Variants in AP3B1 observed in about 807,000 individuals in gnomAD.
AP3B1 encodes the protein adaptor related protein complex 3 subunit beta 1, also known as AP-3 complex subunit beta-1.
AP3B1 carries 61 observed loss-of-function variants against 132.5 expected under a neutral mutation model. The ratio of observed to expected loss-of-function variants is 0.46; its 90% CI spans 0.37 to 0.57. The LOEUF is 0.57. Among genes scored for constraint, AP3B1 ranks in the 20% least tolerant of loss-of-function variants. The pLI, the probability that AP3B1 is intolerant of heterozygous loss-of-function variation, is 0.00. For missense variants in AP3B1, 1,120 were observed against 1,289.4 expected, an observed-to-expected ratio of 0.87 and a Z score of 2.01; for synonymous variants, 388 against 438.3, an observed-to-expected ratio of 0.89 and a Z score of 1.43.
At chr5:78,195,455 T>C (rs1745042900) in intron 7 of AP3B1, among the ~76,000 whole-genome samples, 2 of 152,302 alleles carry the variant, frequency 1.3e-5, no homozygotes, top group South Asian at 2.1e-4. Context: ...TACAGCCAAC[T>C]GCTTTCACAA....
chr5:78,108,749 T>C (rs1166275552), intron 20 of AP3B1, among the ~76,000 whole-genome samples: 1 of 152,212 alleles, frequency 6.6e-6, no homozygotes, highest in South Asian at 2.1e-4. Flanking sequence ...GGAGTGCCCC[T>C]GTGGTTTTTA....
intron 7 of AP3B1, among the ~76,000 whole-genome samples, chr5:78,182,789 C>T (rs1744424712): frequency 6.6e-6 from 1 of 152,164 alleles, no homozygotes; most frequent in Admixed American, 6.5e-5. Context: ...TAGACTTCTA[C>T]CCTTATTAGG....
chr5:78,014,820 C>A (rs1683093005), intron 26 of AP3B1, among the ~76,000 whole-genome samples: 1 of 152,130 alleles, frequency 6.6e-6, no homozygotes, highest in African/African-American at 2.4e-5. Flanking sequence ...TACAAGAGGG[C>A]AAACATTAAT....
At chr5:78,292,650 G>A (rs1749578617) in intron 1 of AP3B1, among the ~76,000 whole-genome samples, 1 of 152,166 alleles carries the variant, frequency 6.6e-6, no homozygotes. Context: ...AACTGAATGA[G>A]ATAATAAATG....
chr5:78,222,383 A>T (rs1746216709), intron 6 of AP3B1: 1 of 153,266 alleles, frequency 6.5e-6, no homozygotes, highest in Non-Finnish European at 1.5e-5. Context: ...CAGCTGCAGC[A>T]TTAAAGTAGA....
intron 22 of AP3B1, 132 bp downstream of exon 22, chr5:78,089,261 G>T (rs2112201480): frequency 1.4e-6 from 1 of 706,738 alleles, no homozygotes; most frequent in Non-Finnish European, 2.5e-6. Flanking sequence ...AAAGGTCTTA[G>T]CTAAATTGGG....
chr5:78,041,735 T>A (rs566841284), intron 22 of AP3B1: 1 of 152,642 alleles, frequency 6.6e-6, no homozygotes, highest in Admixed American at 6.5e-5. Flanking sequence ...GTATTTTAAG[T>A]TTTCAAAGCA....
At chr5:78,151,454 TAAG>T (rs1753645583) in intron 14 of AP3B1, among the ~76,000 whole-genome samples, 2 of 152,210 alleles carry the variant, frequency 1.3e-5, no homozygotes, top group African/African-American at 4.8e-5. Context: ...GATGAAAGGC[TAAG>T]ATTTTCCCCA....
intron 7 of AP3B1, among the ~76,000 whole-genome samples, chr5:78,196,611 C>T (rs1745086477): frequency 6.6e-6 from 1 of 152,164 alleles, no homozygotes; most frequent in African/African-American, 2.4e-5. Flanking sequence ...CTAGAAAGTG[C>T]TCAAAATGTC....
rs1226449995 is a variant in AP3B1 at position 78,085,203 on chromosome 5, G to T, written c.2577+4190C>A. Among the ~76,000 whole-genome samples the T allele has an allele frequency of 2.6e-5, 4 of 152,148 alleles. No homozygotes were observed. The South Asian group carries it at 8.3e-4, about 31-fold the overall frequency. On this transcript the variant is annotated intron_variant, in intron 22 of 26. Transcript: ENST00000255194. ...TTTTACCAGTGGAGCAGTGTATAAT[G>T]CCTGCTTCATTGCATACCTCAGCAA...
chr5:78,132,629 A>G (rs1360722950), intron 15 of AP3B1, among the ~76,000 whole-genome samples: 1 of 152,218 alleles, frequency 6.6e-6, no homozygotes. Context: ...AGAATTATAT[A>G]AACATCTTCT....
At chr5:78,131,668 C>T (rs1561429076) in intron 15 of AP3B1, among the ~76,000 whole-genome samples, 3 of 152,048 alleles carry the variant, frequency 2.0e-5, no homozygotes, top group Admixed American at 1.3e-4. Flanking sequence ...TAATTAAAAA[C>T]AGGTGCTCCA....
chr5:78,287,100 C>T (rs1407348581), intron 1 of AP3B1, among the ~76,000 whole-genome samples: 1 of 152,194 alleles, frequency 6.6e-6, no homozygotes. Flanking sequence ...AACATTTCAA[C>T]CAACCATCTG....
intron 19 of AP3B1, among the ~76,000 whole-genome samples, chr5:78,110,746 G>GTA (rs755514258): frequency 6.7e-6 from 1 of 148,530 alleles, no homozygotes; most frequent in African/African-American, 2.5e-5. Context: ...ATATATATAC[G>GTA]TATATACATA....
intron 23 of AP3B1, among the ~76,000 whole-genome samples, chr5:78,037,156 T>A (rs1381537386): frequency 3.3e-5 from 5 of 152,192 alleles, no homozygotes; most frequent in African/African-American, 4.8e-5. Flanking sequence ...TCTTCTATTC[T>A]ACATAGGCCA....
chr5:78,161,806 A>G (rs549412278), intron 13 of AP3B1, among the ~76,000 whole-genome samples: 1 of 152,142 alleles, frequency 6.6e-6, no homozygotes, highest in Non-Finnish European at 1.5e-5. Flanking sequence ...ATCTGGGAAT[A>G]AATTTTGTTC....
chr5:78,126,619 A>C (rs2112295631), intron 17 of AP3B1, among the ~76,000 whole-genome samples: 1 of 151,904 alleles, frequency 6.6e-6, no homozygotes, highest in East Asian at 1.9e-4. Context: ...GCAAGGAGGG[A>C]TAGACATGTA....
At chr5:78,124,855 C>T (rs985143984) in intron 17 of AP3B1, among the ~76,000 whole-genome samples, 1 of 152,112 alleles carries the variant, frequency 6.6e-6, no homozygotes, top group Non-Finnish European at 1.5e-5. Flanking sequence ...AATTTAATAA[C>T]ACTAAATCAA....
chr5:78,008,353 G>C (rs1746482457), intron 26 of AP3B1, among the ~76,000 whole-genome samples: 1 of 152,160 alleles, frequency 6.6e-6, no homozygotes, highest in Non-Finnish European at 1.5e-5. Context: ...TGTTGCATTA[G>C]AGGACATTAA....
Sources: allele counts gnomAD v4.1 joint callset (sites outside exome capture counted in the v4.1 genomes callset), GRCh38; gene constraint gnomAD v4.1.1; transcripts MANE v1.5; gene names NCBI Gene and HGNC (gene_info 2026-07-23, HGNC 2026-07-21).